NDRG1: variants seen among roughly 807,000 people sequenced by gnomAD.
NDRG1 encodes the protein N-myc downstream regulated 1.
NDRG1 carries 32 observed loss-of-function variants against 56.9 expected under a neutral mutation model. The observed-to-expected ratio is 0.56, with a 90% confidence interval of 0.42 to 0.76. The LOEUF is 0.76. Among genes scored for constraint, NDRG1 ranks in the 30% least tolerant of loss-of-function variants. The pLI, the probability that NDRG1 is intolerant of heterozygous loss-of-function variation, is 0.00. For missense variants in NDRG1, 507 were observed against 545.7 expected, an observed-to-expected ratio of 0.93 and a Z score of 0.71; for synonymous variants, 211 against 204.1, an observed-to-expected ratio of 1.03 and a Z score of -0.29.
chr8:133,269,442 T>G (rs1364836871), intron 3 of NDRG1, among the ~76,000 whole-genome samples: 1 of 152,230 alleles, frequency 6.6e-6, no homozygotes, highest in Non-Finnish European at 1.5e-5. Context: ...ATGGCAGGGA[T>G]GGGGGCAGTA....
At chr8:133,276,187 T>C (rs892619725) in intron 3 of NDRG1, among the ~76,000 whole-genome samples, 1 of 152,186 alleles carries the variant, frequency 6.6e-6, no homozygotes, top group Non-Finnish European at 1.5e-5. Context: ...ACTTTAATGA[T>C]GTCCTAAGGG....
At position 133,256,866 on chromosome 8, in the gene NDRG1, G is replaced by A. The variant is rs765732650; in HGVS notation, c.451-3C>T. 4 of 1,613,592 alleles carry A rather than the reference G, an allele frequency of 2.5e-6. No individual in the cohort carries two copies. Among genetic ancestry groups the A allele is most frequent in the East Asian group, 4.5e-5 (2 of 44,874 alleles). ...TCCACCATCTCAGGGTTGTTTAGCT[G>A]CAATTCAAGACACAAAGTGAGACAG... On this transcript the variant is annotated splice_polypyrimidine_tract_variant and splice_region_variant and intron_variant, in intron 7 of 15. Coordinates refer to ENST00000323851, the MANE Select transcript of NDRG1 (RefSeq NM_006096.4).
chr8:133,242,379 A>G (rs1485881993), intron 14 of NDRG1, among the ~76,000 whole-genome samples: 2 of 152,238 alleles, frequency 1.3e-5, no homozygotes, highest in Admixed American at 6.5e-5. Context: ...ACAAAGGGAC[A>G]TGTCTAACCC....
At chr8:133,261,995 C>A in intron 5 of NDRG1, 52 bp downstream of exon 5, 1 of 1,539,394 alleles carries the variant, frequency 6.5e-7, no homozygotes, top group Non-Finnish European at 8.7e-7. Flanking sequence ...TGAACCCCTC[C>A]CCGACACCCA....
chr8:133,285,846 T>C (rs1235473955), intron 1 of NDRG1, among the ~76,000 whole-genome samples: 1 of 152,224 alleles, frequency 6.6e-6, no homozygotes, highest in Non-Finnish European at 1.5e-5. Flanking sequence ...GCAGGAGGCA[T>C]GAAAGGCCCG....
chr8:133,292,888 T>G (rs1219883558), intron 1 of NDRG1, among the ~76,000 whole-genome samples: 10 of 152,296 alleles, frequency 6.6e-5, no homozygotes. Context: ...CCAGCTCAGT[T>G]GCAAGAAAAC....
At chr8:133,289,731 C>T (rs1858327132) in intron 1 of NDRG1, among the ~76,000 whole-genome samples, 1 of 152,162 alleles carries the variant, frequency 6.6e-6, no homozygotes, top group Non-Finnish European at 1.5e-5. Flanking sequence ...AATCCGACAC[C>T]ACTTGAGAAC....
intron 3 of NDRG1, 40 bp downstream of exon 3, chr8:133,280,192 G>A (rs780124027): frequency 3.6e-5 from 58 of 1,608,876 alleles, no homozygotes; most frequent in Middle Eastern, 3.3e-4. Context: ...AAGAGAAGAC[G>A]GGATGAGGAA....
At chr8:133,257,279 G>GCA in intron 7 of NDRG1, among the ~76,000 whole-genome samples, 1 of 127,562 alleles carries the variant, frequency 7.8e-6, no homozygotes, top group African/African-American at 2.9e-5. Context: ...ATAAACACAT[G>GCA]CATACACACA....
At chr8:133,273,479 GGATGGCAAGGATA>G (rs199911536) in intron 3 of NDRG1, among the ~76,000 whole-genome samples, 2,463 of 152,274 alleles carry the variant, frequency 0.016, 106 homozygotes, top group Admixed American at 0.098. Flanking sequence ...CATAAAACAA[GGATGGCAAGGATA>G]GATGGCAAGG....
intron 13 of NDRG1, chr8:133,244,680 G>A (rs1855571128): frequency 3.7e-6 from 2 of 547,636 alleles, no homozygotes; most frequent in South Asian, 4.1e-5. Context: ...AGGTACAGCT[G>A]TCCCATTTTA....
At chr8:133,277,572 A>T (rs1244267511) in intron 3 of NDRG1, among the ~76,000 whole-genome samples, 1 of 152,186 alleles carries the variant, frequency 6.6e-6, no homozygotes, top group Non-Finnish European at 1.5e-5. Flanking sequence ...GTCTAAACAG[A>T]AATAAAAATA....
intron 2 of NDRG1, among the ~76,000 whole-genome samples, chr8:133,283,060 G>C (rs963540042): frequency 6.6e-6 from 1 of 152,238 alleles, no homozygotes; most frequent in Non-Finnish European, 1.5e-5. Context: ...CACATGTAGA[G>C]TCATAAGGAA....
chr8:133,292,087 G>A (rs1171512825), intron 1 of NDRG1, among the ~76,000 whole-genome samples: 1 of 152,218 alleles, frequency 6.6e-6, no homozygotes, highest in Non-Finnish European at 1.5e-5. Context: ...GACCGTCTGA[G>A]GGGACGAGGT....
chr8:133,285,538 G>C (rs1315027851), intron 1 of NDRG1, among the ~76,000 whole-genome samples: 4 of 152,210 alleles, frequency 2.6e-5, no homozygotes, highest in Non-Finnish European at 5.9e-5. Flanking sequence ...GGGCTCCTCT[G>C]AAGACCCAGG....
Position 133,238,951 on chromosome 8 carries a change from T to A in NDRG1, c.1112A>T (p.His371Leu), listed in dbSNP as rs759955688. The A allele has an allele frequency of 3.0e-5, 47 of 1,576,422 alleles. No individual in the cohort carries two copies. Among genetic ancestry groups the A allele is most frequent in the Non-Finnish European group, 3.9e-5 (45 of 1,162,264 alleles). The change falls in exon 16 of 16, where the codon CAC becomes CTC. Residue 371 changes from histidine (H) to leucine (L), a missense_variant. Transcript: ENST00000323851. ...RSRSHTSEGA[H>L]LDITPNSGAA... ...ACCCGAGTTGGGGGTGATGTCCAGG[T>A]GGGCCCCCTCGCTGGTGTGCGAGCG...
chr8:133,285,857 C>T (rs1373282592), intron 1 of NDRG1, among the ~76,000 whole-genome samples: 1 of 152,236 alleles, frequency 6.6e-6, no homozygotes, highest in East Asian at 1.9e-4. Flanking sequence ...GAAAGGCCCG[C>T]GTCTGTTAGC....
chr8:133,274,525 G>A (rs549748177), intron 3 of NDRG1, among the ~76,000 whole-genome samples: 1 of 152,322 alleles, frequency 6.6e-6, no homozygotes, highest in South Asian at 2.1e-4. Flanking sequence ...GCCCAGGAGG[G>A]AGCCCTATTT....
intron 1 of NDRG1, among the ~76,000 whole-genome samples, chr8:133,287,103 T>A (rs1028834281): frequency 1.3e-5 from 2 of 152,160 alleles, no homozygotes; most frequent in African/African-American, 4.8e-5. Context: ...CAAAAAACTT[T>A]TCAAACTTTT....
Sources: allele counts gnomAD v4.1 joint callset (sites outside exome capture counted in the v4.1 genomes callset), GRCh38; gene constraint gnomAD v4.1.1; transcripts MANE v1.5; gene names NCBI Gene and HGNC (gene_info 2026-07-23, HGNC 2026-07-21).